MAD1L1: variants seen among roughly 807,000 people sequenced by gnomAD.
The protein encoded by MAD1L1 is mitotic spindle assembly checkpoint protein MAD1.
Under a neutral mutation model 96.9 loss-of-function variants are expected in MAD1L1, and 95 were observed. The observed-to-expected ratio is 0.98, with a 90% CI of 0.83 to 1.16. The LOEUF (loss-of-function observed/expected upper bound fraction) is 1.16, where lower values mean the gene tolerates loss of function less well. Ranked by LOEUF, MAD1L1 falls within the 50% of genes most tolerant of loss-of-function variation. The pLI is 0.00. For missense variants in MAD1L1, 1,007 were observed against 954.4 expected, an observed-to-expected ratio of 1.06 and a Z score of -0.73; for synonymous variants, 473 against 396.6, an observed-to-expected ratio of 1.19 and a Z score of -2.29.
At chr7:1,967,766 C>G (rs1037972214) in intron 15 of MAD1L1, among the ~76,000 whole-genome samples, 2 of 152,294 alleles carry the variant, frequency 1.3e-5, no homozygotes, top group East Asian at 3.9e-4. Flanking sequence ...CGGCCGGCCG[C>G]GGGGAGATCA....
rs978104781 is a variant in MAD1L1 at position 1,877,838 on chromosome 7, T to C, written c.1998+20362A>G. On this transcript the variant is annotated intron_variant, in intron 18 of 18. Coordinates refer to ENST00000265854, the MANE Select transcript of MAD1L1 (RefSeq NM_001013836.2). ...ACAATTGCAAGTGATCAAGAAGATA[T>C]AACAATCTTAACTGCGTATGTACCC... 3.3e-5 allele frequency among the ~76,000 whole-genome samples: 5 copies of C among 152,020 alleles called. No homozygotes were observed. The East Asian group carries it at 5.8e-4, about 18-fold the overall frequency.
intron 18 of MAD1L1, among the ~76,000 whole-genome samples, chr7:1,863,333 C>T (rs2128648889): frequency 6.6e-6 from 1 of 152,380 alleles, no homozygotes; most frequent in South Asian, 2.1e-4. Flanking sequence ...CGCAGAGAGC[C>T]TGTTAACAGT....
intron 11 of MAD1L1, chr7:2,109,559 G>GT (rs1403914595): frequency 5.9e-5 from 9 of 152,210 alleles, no homozygotes; most frequent in Admixed American, 5.2e-4. Context: ...ATGCTCTGGC[G>GT]TGTCAGCTTT....
chr7:2,110,303 C>G lies in MAD1L1; in HGVS notation c.1073+38849G>C, dbSNP rs531527908. ...GCGCTCACAGCCGTGCCGCCATGCC[C>G]CACGCCTCGGTACACAGCAGGCACA... On this transcript the variant is annotated intron_variant, in intron 11 of 18. Coordinates refer to ENST00000265854, the MANE Select transcript of MAD1L1 (RefSeq NM_001013836.2). Among the ~76,000 whole-genome samples, 8 of 152,344 alleles carry G rather than the reference C, an allele frequency of 5.3e-5. No homozygotes were observed. In the East Asian group the frequency reaches 9.6e-4, roughly 18 times the overall value.
At chr7:1,934,414 G>A (rs1789660145) in intron 17 of MAD1L1, among the ~76,000 whole-genome samples, 1 of 151,600 alleles carries the variant, frequency 6.6e-6, no homozygotes, top group Non-Finnish European at 1.5e-5. Context: ...AGACAACAAG[G>A]GAAGGAACAG....
intron 18 of MAD1L1, among the ~76,000 whole-genome samples, chr7:1,837,191 G>A (rs1353892477): frequency 6.6e-6 from 1 of 152,232 alleles, no homozygotes; most frequent in Non-Finnish European, 1.5e-5. Context: ...CAGCAAGATG[G>A]CACAGGGACA....
chr7:2,133,617 T>G (rs1788618753), intron 11 of MAD1L1, among the ~76,000 whole-genome samples: 1 of 152,256 alleles, frequency 6.6e-6, no homozygotes, highest in Non-Finnish European at 1.5e-5. Context: ...TAAAAGTCAC[T>G]GCCTAATTGA....
chr7:1,998,896 ACTG>A (rs1441968431), intron 14 of MAD1L1, among the ~76,000 whole-genome samples: 1 of 110,838 alleles, frequency 9.0e-6, no homozygotes, highest in Non-Finnish European at 1.8e-5. Flanking sequence ...AACCCCACTC[ACTG>A]CTGGACACCA....
intron 10 of MAD1L1, among the ~76,000 whole-genome samples, chr7:2,159,400 C>A (rs573252021): frequency 6.6e-6 from 1 of 152,342 alleles, no homozygotes; most frequent in African/African-American, 2.4e-5. Context: ...CCCCTCTTCA[C>A]TTGTTTGAGT....
intron 12 of MAD1L1, among the ~76,000 whole-genome samples, chr7:2,052,805 AACAG>A (rs1447670629): frequency 1.3e-5 from 2 of 152,118 alleles, no homozygotes. Context: ...TGCTGCCCGG[AACAG>A]ACAGAGGAAC....
intron 17 of MAD1L1, among the ~76,000 whole-genome samples, chr7:1,920,652 G>C (rs1262028900): frequency 6.6e-6 from 1 of 152,160 alleles, no homozygotes; most frequent in Non-Finnish European, 1.5e-5. Flanking sequence ...AGTGGGGGCG[G>C]ACTACAGTCA....
intron 16 of MAD1L1, among the ~76,000 whole-genome samples, chr7:1,943,785 C>G (rs1371066480): frequency 6.6e-6 from 1 of 151,878 alleles, no homozygotes; most frequent in South Asian, 2.1e-4. Flanking sequence ...CGTGAATGTT[C>G]AGGGCAGCTG....
chr7:2,117,188 C>G (rs1426150990), intron 11 of MAD1L1, among the ~76,000 whole-genome samples: 1 of 152,192 alleles, frequency 6.6e-6, no homozygotes, highest in African/African-American at 2.4e-5. Context: ...CCTGAACAGT[C>G]TAGCGGGCCC....
intron 10 of MAD1L1, among the ~76,000 whole-genome samples, chr7:2,150,870 C>T (rs565338821): frequency 2.6e-5 from 4 of 152,360 alleles, no homozygotes; most frequent in African/African-American, 9.6e-5. Context: ...CCTTGCTGAA[C>T]ATCTAGTGGG....
At chr7:1,935,715 AG>A (rs1403147254) in intron 17 of MAD1L1, among the ~76,000 whole-genome samples, 3 of 152,222 alleles carry the variant, frequency 2.0e-5, no homozygotes, top group African/African-American at 7.2e-5. Context: ...CGCGATGGCA[AG>A]TAGGTGGGAA....
chr7:2,169,540 C>T (rs1162041309), intron 10 of MAD1L1, among the ~76,000 whole-genome samples: 1 of 152,230 alleles, frequency 6.6e-6, no homozygotes, highest in East Asian at 1.9e-4. Flanking sequence ...AGCAAAGGGG[C>T]CCTCTTGCAC....
intron 11 of MAD1L1, among the ~76,000 whole-genome samples, chr7:2,092,110 C>T (rs553151919): frequency 1.3e-5 from 2 of 152,306 alleles, no homozygotes; most frequent in East Asian, 1.9e-4. Context: ...CCCAGCAGTG[C>T]GTGAGAGTTC....
In MAD1L1 at chr7:2,226,062, A is replaced by G. The variant is rs115271239; in HGVS notation, c.151-512T>C. Among the ~76,000 whole-genome samples, 516 of 151,986 alleles carry G rather than the reference A, an allele frequency of 3.4e-3. 3 individuals carry two copies. The highest frequency in any genetic ancestry group is 0.012 in the African/African-American group (480 of 41,420). On this transcript the variant is annotated intron_variant, in intron 3 of 18. Coordinates refer to ENST00000265854, the MANE Select transcript of MAD1L1 (RefSeq NM_001013836.2). ...CCATCTCCAAAGTCAACCACGTCCA[A>G]TCTCCCTCATCAAATCCCTCTCCTG... is the stretch of plus-strand genomic sequence containing the variant.
Position 1,936,723 on chromosome 7 carries a change from C to T in MAD1L1, c.1771G>A (p.Ala591Thr). The T allele has an allele frequency of 6.4e-7, 1 of 1,561,588 alleles. No individual in the cohort carries two copies. Among genetic ancestry groups the T allele is most frequent in the Middle Eastern group, 1.7e-4 (1 of 5,888 alleles). The change falls in exon 17 of 19, where the codon GCC becomes ACC. Residue 591 changes from alanine (A) to threonine (T), a missense_variant. By Grantham distance (58) the Ala-to-Thr change is moderately conservative (BLOSUM62 0). Transcript: ENST00000265854. ...GGTVPADLEA[A>T]AASLPSSKEV... ...TTGGACGATGGCAGACTCGCGGCGG[C>T]AGCCTCAAGGTCGGCTGGGACGGTG...
Sources: gnomAD v4.1 joint callset for allele counts (sites outside exome capture counted in the v4.1 genomes callset) on GRCh38, gnomAD v4.1.1 for gene constraint, MANE v1.5 for transcripts, NCBI Gene and HGNC (gene_info 2026-07-23, HGNC 2026-07-21) for gene names.